Variants in ZNF804A observed in about 807,000 individuals in gnomAD.
ZNF804A encodes the protein zinc finger protein 804A.
In ZNF804A, 2 loss-of-function variants were observed where a neutral mutation model predicts 16.5. The ratio of observed to expected loss-of-function variants is 0.12; its 90% CI spans 0.05 to 0.38. The LOEUF is 0.38. ZNF804A is among the 10% of genes least tolerant of loss of function. ZNF804A has a pLI of 0.99. For synonymous variants in ZNF804A, 534 were observed against 489.6 expected (o/e 1.09, Z -1.20); for missense variants, 1,473 against 1,390.7 (o/e 1.06, Z -0.94).
intron 2 of ZNF804A, among the ~76,000 whole-genome samples, chr2:184,921,006 A>G (rs997559483): frequency 6.6e-5 from 10 of 152,208 alleles, no homozygotes; most frequent in African/African-American, 2.4e-4. Flanking sequence ...GAAAATTCAT[A>G]CACCTTCCCT....
chr2:184,650,838 G>C (rs887467515), intron 1 of ZNF804A, among the ~76,000 whole-genome samples: 1 of 152,080 alleles, frequency 6.6e-6, no homozygotes, highest in Non-Finnish European at 1.5e-5. Flanking sequence ...ATCATGGATT[G>C]GAAGAATCAG....
intron 1 of ZNF804A, among the ~76,000 whole-genome samples, chr2:184,604,256 C>T (rs1034710011): frequency 3.6e-4 from 52 of 145,126 alleles, no homozygotes; most frequent in African/African-American, 1.3e-3. Context: ...CTGCAAGCTC[C>T]GCCTCCCGGG....
intron 1 of ZNF804A, among the ~76,000 whole-genome samples, chr2:184,634,565 G>A (rs1029660278): frequency 2.0e-5 from 3 of 152,008 alleles, no homozygotes; most frequent in Non-Finnish European, 2.9e-5. Flanking sequence ...GAGGGAGGGC[G>A]TCAGGGAGAA....
intron 2 of ZNF804A, among the ~76,000 whole-genome samples, chr2:184,914,992 T>C (rs1395362093): frequency 6.6e-6 from 1 of 151,778 alleles, no homozygotes; most frequent in African/African-American, 2.4e-5. Context: ...GTCATATATA[T>C]GAAAATATAA....
chr2:184,740,650 C>T (rs1344905407), intron 1 of ZNF804A, among the ~76,000 whole-genome samples: 1 of 152,106 alleles, frequency 6.6e-6, no homozygotes. Flanking sequence ...AGAAGTTCCC[C>T]TTTAAAGTAT....
intron 1 of ZNF804A, among the ~76,000 whole-genome samples, chr2:184,845,748 T>C (rs1695501792): frequency 6.6e-6 from 1 of 152,144 alleles, no homozygotes. Flanking sequence ...GTGGTAGGGC[T>C]TATGAAAGGA....
intron 1 of ZNF804A, among the ~76,000 whole-genome samples, chr2:184,821,979 T>C (rs932469650): frequency 1.7e-4 from 26 of 152,238 alleles, no homozygotes; most frequent in African/African-American, 6.0e-4. Flanking sequence ...GTAAATTAGT[T>C]CAACCATTGT....
At chr2:184,741,693 G>T (rs140442054) in intron 1 of ZNF804A, among the ~76,000 whole-genome samples, 2,485 of 152,152 alleles carry the variant, frequency 0.016, 40 homozygotes, top group Non-Finnish European at 0.023. Flanking sequence ...AGTTCTAAAT[G>T]CTATTATTAG....
intron 1 of ZNF804A, among the ~76,000 whole-genome samples, chr2:184,711,304 C>G (rs1201361218): frequency 1.3e-5 from 2 of 151,688 alleles, no homozygotes; most frequent in East Asian, 3.9e-4. Flanking sequence ...TTATATATTA[C>G]TTTGGAGAAC....
chr2:184,732,547 T>A (rs1304991798), intron 1 of ZNF804A, among the ~76,000 whole-genome samples: 1 of 152,140 alleles, frequency 6.6e-6, no homozygotes, highest in Non-Finnish European at 1.5e-5. Context: ...AAATTTTGCT[T>A]TGTCAATATC....
At chr2:184,691,056 A>G (rs1692717438) in intron 1 of ZNF804A, among the ~76,000 whole-genome samples, 1 of 152,040 alleles carries the variant, frequency 6.6e-6, no homozygotes. Flanking sequence ...TTTAAAAATA[A>G]GATATATTTA....
chr2:184,721,403 A>C (rs1316083244), intron 1 of ZNF804A, among the ~76,000 whole-genome samples: 4 of 152,130 alleles, frequency 2.6e-5, no homozygotes, highest in Non-Finnish European at 4.4e-5. Flanking sequence ...GTAAAAAAAT[A>C]AATAAAAGTG....
At chr2:184,634,007 C>A (rs1273039899) in intron 1 of ZNF804A, among the ~76,000 whole-genome samples, 5 of 151,952 alleles carry the variant, frequency 3.3e-5, no homozygotes, top group Non-Finnish European at 7.4e-5. Flanking sequence ...CCACATGAAG[C>A]CTGATGATTT....
At chr2:184,794,181 C>G (rs949044569) in intron 1 of ZNF804A, among the ~76,000 whole-genome samples, 1 of 152,108 alleles carries the variant, frequency 6.6e-6, no homozygotes, top group Non-Finnish European at 1.5e-5. Context: ...AGTTTCCATT[C>G]CCACCAGCAG....
At chr2:184,905,624 TA>T (rs1195012103) in intron 2 of ZNF804A, among the ~76,000 whole-genome samples, 1 of 152,112 alleles carries the variant, frequency 6.6e-6, no homozygotes, top group East Asian at 1.9e-4. Context: ...CAGTCAGCTA[TA>T]ATATATGTTT....
chr2:184,612,921 A>G (rs758820903), intron 1 of ZNF804A, among the ~76,000 whole-genome samples: 50 of 152,242 alleles, frequency 3.3e-4, no homozygotes, highest in Non-Finnish European at 6.2e-4. Flanking sequence ...AAATCAAAAC[A>G]CACAGATCTT....
rs377479740 is a variant in ZNF804A at position 184,730,382 on chromosome 2, A to G, written c.111+131312A>G. Among the ~76,000 whole-genome samples, 8 of 152,254 alleles carry G rather than the reference A, an allele frequency of 5.3e-5. No individual in the cohort carries two copies. In the East Asian group the frequency reaches 9.7e-4, roughly 18 times the overall value. On this transcript the variant is annotated intron_variant, in intron 1 of 3. Transcript: ENST00000302277. ...ATTGACGAATATACACAGACACATC[A>G]TTATCACCTGGAATCAATAGTTTGT...
At chr2:184,782,684 T>A (rs1359612441) in intron 1 of ZNF804A, among the ~76,000 whole-genome samples, 2 of 148,854 alleles carry the variant, frequency 1.3e-5, no homozygotes, top group African/African-American at 4.9e-5. Flanking sequence ...GATATGTATA[T>A]CCTATATATA....
At chr2:184,639,601 G>T (rs1691759503) in intron 1 of ZNF804A, among the ~76,000 whole-genome samples, 1 of 152,176 alleles carries the variant, frequency 6.6e-6, no homozygotes, top group East Asian at 1.9e-4. Flanking sequence ...GAAGACAAAA[G>T]AAAATATATT....
Sources: allele counts gnomAD v4.1 joint callset (sites outside exome capture counted in the v4.1 genomes callset), GRCh38; gene constraint gnomAD v4.1.1; transcripts MANE v1.5; gene names NCBI Gene and HGNC (gene_info 2026-07-23, HGNC 2026-07-21).